The following ABCB9 variants were observed in gnomAD, a reference collection of about 807,000 sequenced individuals.
The protein encoded by ABCB9 is ATP binding cassette subfamily B member 9.
ABCB9 carries 36 observed loss-of-function variants against 62.0 expected under a neutral mutation model. The ratio of observed to expected loss-of-function variants is 0.58; its 90% CI spans 0.45 to 0.77. The LOEUF (loss-of-function observed/expected upper bound fraction) is 0.77, where lower values mean the gene tolerates loss of function less well. Among genes scored for constraint, ABCB9 ranks in the 30% least tolerant of loss-of-function variants. The pLI is 0.00. For missense variants in ABCB9, 943 were observed against 1,054.7 expected, an observed-to-expected ratio of 0.89 and a Z score of 1.47; for synonymous variants, 435 against 461.4, an observed-to-expected ratio of 0.94 and a Z score of 0.73.
chr12:122,935,478 T>A (rs1308317060), intron 9 of ABCB9, 47 bp from the exon 10 acceptor site: 1 of 1,581,924 alleles, frequency 6.3e-7, no homozygotes, highest in African/African-American at 1.3e-5. Flanking sequence ...AATGTGTTCA[T>A]CCAGCTGTCC....
chr12:122,921,129 G>C, intron 11 of ABCB9: 1 of 1,414,482 alleles, frequency 7.1e-7, no homozygotes, highest in South Asian at 1.2e-5. Flanking sequence ...AATTTAAAAT[G>C]GTTGGCTGGG....
rs147261134 is a variant in ABCB9 at position 122,936,077 on chromosome 12, T to C, written c.1744-646A>G. 3.0e-3 allele frequency among the ~76,000 whole-genome samples: 464 copies of C among 152,226 alleles called. 2 individuals are homozygous for C. Among genetic ancestry groups the C allele is most frequent in the Non-Finnish European group, 5.0e-3 (339 of 68,012 alleles). ...AAAATATATAGTATGGAAGATATCA[T>C]TGCAACACCATAAGTAGCAAAAGTT... On this transcript the variant is annotated intron_variant, in intron 9 of 11. Coordinates refer to ENST00000280560, the MANE Select transcript of ABCB9 (RefSeq NM_019625.4).
intron 1 of ABCB9, among the ~76,000 whole-genome samples, chr12:122,973,816 G>A (rs1364803779): frequency 1.3e-5 from 2 of 151,730 alleles, no homozygotes; most frequent in Admixed American, 6.5e-5. Context: ...AGCCGAGATC[G>A]TGCCACTGCA....
intron 11 of ABCB9, chr12:122,931,324 CT>C (rs113551413): frequency 0.085 from 10,506 of 124,086 alleles, 1,237 homozygotes; most frequent in African/African-American, 0.31. Flanking sequence ...TGCGCCCAGC[CT>C]TTTTTTTTTT....
intron 7 of ABCB9, 148 bp from the exon 8 acceptor site, chr12:122,941,143 G>T: frequency 1.3e-6 from 1 of 771,206 alleles, no homozygotes; most frequent in Non-Finnish European, 2.0e-6. Context: ...TGGTGCATTA[G>T]ATAACGACAG....
At chr12:122,933,329 C>T (rs1399503016) in intron 10 of ABCB9, among the ~76,000 whole-genome samples, 2 of 152,090 alleles carry the variant, frequency 1.3e-5, no homozygotes, top group East Asian at 1.9e-4. Flanking sequence ...CCAAGGTGGG[C>T]GGGTCACAAG....
intron 11 of ABCB9, among the ~76,000 whole-genome samples, chr12:122,923,266 C>T (rs1439789788): frequency 6.6e-6 from 1 of 151,262 alleles, no homozygotes; most frequent in Non-Finnish European, 1.5e-5. Flanking sequence ...CTGTGTCCTG[C>T]CTTACACCAG....
chr12:122,927,818 CG>C (rs1301872285), downstream of ABCB9, among the ~76,000 whole-genome samples: 1 of 152,164 alleles, frequency 6.6e-6, no homozygotes, highest in East Asian at 1.9e-4. Context: ...TGTTGGTCCT[CG>C]GTTTTGTCAA....
chr12:122,956,712 G>A lies in ABCB9; in HGVS notation c.601+2923C>T, dbSNP rs190539854. On this transcript the variant is annotated intron_variant, in intron 2 of 11. Coordinates refer to ENST00000280560, the MANE Select transcript of ABCB9 (RefSeq NM_019625.4). Reference sequence around the variant, plus strand: ...AGTTTTATATTTTTAGTAGACATGGGGTTTCACCATGTTGCCAGGCTGGTC... The same window carrying A: ...AGTTTTATATTTTTAGTAGACATGGAGTTTCACCATGTTGCCAGGCTGGTC... Among the ~76,000 whole-genome samples, 556 of 152,266 alleles carry A rather than the reference G, an allele frequency of 3.7e-3. 1 individual carries two copies. Among genetic ancestry groups the A allele is most frequent in the Non-Finnish European group, 6.3e-3 (428 of 68,018 alleles).
rs2036132372 is a variant in ABCB9 at position 122,947,949 on chromosome 12, T to A, written c.1053+675A>T. On this transcript the variant is annotated intron_variant, in intron 5 of 11. Coordinates refer to ENST00000280560, the MANE Select transcript of ABCB9 (RefSeq NM_019625.4). This position sits in a 1 kb window ranked among gnomAD's most constrained non-coding sequence, Gnocchi z 6.0. ...TTTAACTTGTATTTATTCATTCATT[T>A]TAGAGACAGGGTCTTGCTGTGTCAC... 1 of 153,442 alleles carries A rather than the reference T, an allele frequency of 6.5e-6. No homozygotes were observed. The allele number at this position is 153,442 out of a possible 1,614,324, so 9.5% of individuals were successfully genotyped here. A position where few individuals can be genotyped will look rare whatever the true frequency, so the allele number is the denominator to read the frequency against.
chr12:122,939,047 C>T (rs890161110), intron 9 of ABCB9, among the ~76,000 whole-genome samples: 7 of 151,938 alleles, frequency 4.6e-5, no homozygotes, highest in African/African-American at 1.5e-4. Flanking sequence ...TGACGCACTC[C>T]TGTAATCCCA....
rs189045501 is a variant in ABCB9, at chr12:122,922,512, T to A, written c.2041-1469A>T. On this transcript the variant is annotated intron_variant, in intron 11 of 11. Transcript: ENST00000344275. ...CTCCTGCCTCAGCTTCCCGAGTAGC[T>A]GGGACTACAGGCATGTGCCACCACG... Among the ~76,000 whole-genome samples, 17 of 152,132 alleles carry A rather than the reference T, an allele frequency of 1.1e-4. No homozygotes were observed. The East Asian group carries it at 3.3e-3, about 30-fold the overall frequency.
In ABCB9 at chr12:122,964,066, G is replaced by A. The variant is rs749711354; in HGVS notation, c.-88+2221C>T. On this transcript the variant is annotated intron_variant, in intron 1 of 11. Coordinates refer to ENST00000280560, the MANE Select transcript of ABCB9 (RefSeq NM_019625.4). The surrounding 1 kb of genome is among the most constrained non-coding windows in gnomAD (Gnocchi z 4.7). ...CAGGCCTCCCAGCCAAGCCACTGCCGGCTGCACCAGGTGCTGCCAGCCGCC... is the reference window on the plus strand; with the variant it reads ...CAGGCCTCCCAGCCAAGCCACTGCCAGCTGCACCAGGTGCTGCCAGCCGCC... 1.1e-4 allele frequency among the ~76,000 whole-genome samples: 16 copies of A among 152,182 alleles called. No individual in the cohort carries two copies. The highest frequency in any genetic ancestry group is 6.2e-4 in the South Asian group (3 of 4,834).
At chr12:122,928,181 C>G (rs1437323432), downstream of ABCB9, among the ~76,000 whole-genome samples, 1 of 152,098 alleles carries the variant, frequency 6.6e-6, no homozygotes, top group African/African-American at 2.4e-5. Context: ...AAGAGAAAGA[C>G]AAGGCTGGCC....
intron 1 of ABCB9, among the ~76,000 whole-genome samples, chr12:122,973,578 GA>G (rs57853191): frequency 0.23 from 11,617 of 50,648 alleles, 97 homozygotes; most frequent in East Asian, 0.29. Flanking sequence ...CTCAAAAAAA[GA>G]AAAAAAAAAA....
At chr12:122,924,740 G>A, downstream of ABCB9, 1 of 1,533,602 alleles carries the variant, frequency 6.5e-7, no homozygotes, top group Non-Finnish European at 8.7e-7. Context: ...TTCCTCATCT[G>A]TCTCTCTGGC....
rs1240020045 is a variant in ABCB9, at chr12:122,972,887, A to G, written c.-88+1828T>C. ...TACATATGATTGCACATTCATATAC[A>G]TATATTCACATACACATATACATAC... On this transcript the variant is annotated intron_variant, in intron 1 of 11. Transcript: ENST00000392439. The G allele has an allele frequency of 2.0e-5, 3 of 152,334 alleles. No individual in the cohort carries two copies. The East Asian group carries it at 5.8e-4, about 29-fold the overall frequency. The allele number at this position is 152,334 out of a possible 1,614,324, so 9.4% of individuals were successfully genotyped here.
chr12:122,938,695 G>A (rs1355997998), intron 9 of ABCB9, among the ~76,000 whole-genome samples: 1 of 151,970 alleles, frequency 6.6e-6, no homozygotes, highest in African/African-American at 2.4e-5. Flanking sequence ...AGGCGTTGTG[G>A]TGTGCACCTG....
At position 122,950,186 on chromosome 12, in the gene ABCB9, C is replaced by A. The variant is rs1237608657; in HGVS notation, c.716+265G>T. Among the ~76,000 whole-genome samples the A allele has an allele frequency of 2.6e-5, 4 of 152,220 alleles. No individual in the cohort carries two copies. In the East Asian group the frequency reaches 5.8e-4, roughly 22 times the overall value. On this transcript the variant is annotated intron_variant, in intron 3 of 11. Coordinates refer to ENST00000280560, the MANE Select transcript of ABCB9 (RefSeq NM_019625.4). ...AGACAAAGCCGGTTCTGTTTGGGAC[C>A]AGATTCCTACTTGGAAAACAGCCAG...
Sources: allele counts gnomAD v4.1 joint callset (sites outside exome capture counted in the v4.1 genomes callset), GRCh38; gene constraint gnomAD v4.1.1; non-coding constraint Gnocchi (gnomAD v3.1); transcripts MANE v1.5; gene names NCBI Gene and HGNC (gene_info 2026-07-23, HGNC 2026-07-21).